Variants in PKNOX2 observed in about 807,000 individuals in gnomAD.
The protein encoded by PKNOX2 is homeobox protein PKNOX2.
In PKNOX2, 14 loss-of-function variants were observed where a neutral mutation model predicts 53.1. The ratio of observed to expected loss-of-function variants is 0.26; its 90% CI spans 0.17 to 0.41. PKNOX2 has a LOEUF of 0.41. PKNOX2 is among the 10% of genes least tolerant of loss of function. The probability of loss-of-function intolerance (pLI) is 1.00; values close to 1 mark genes in which losing one functional copy is unlikely to be tolerated. For synonymous variants in PKNOX2, 257 were observed against 242.8 expected (o/e 1.06, Z -0.54); for missense variants, 496 against 602.8 (o/e 0.82, Z 1.85).
At chr11:125,409,772 T>C (rs1955382979) in intron 7 of PKNOX2, among the ~76,000 whole-genome samples, 1 of 151,984 alleles carries the variant, frequency 6.6e-6, no homozygotes, top group Admixed American at 6.6e-5. Context: ...CTGGGGAGCT[T>C]TTAATAACCC....
At chr11:125,257,008 T>A (rs1944454077) in intron 2 of PKNOX2, among the ~76,000 whole-genome samples, 3 of 85,172 alleles carry the variant, frequency 3.5e-5, no homozygotes. Context: ...CTGTGTAGGG[T>A]TTTTTTTTTT....
intron 2 of PKNOX2, among the ~76,000 whole-genome samples, chr11:125,282,444 G>A (rs1417769129): frequency 1.3e-5 from 2 of 152,300 alleles, no homozygotes; most frequent in South Asian, 4.1e-4. Flanking sequence ...GTGGGTGGCA[G>A]GCATCTGAGT....
chr11:125,356,267 T>G (rs542731268), intron 4 of PKNOX2, among the ~76,000 whole-genome samples: 36 of 152,292 alleles, frequency 2.4e-4, no homozygotes, highest in Non-Finnish European at 4.3e-4. Context: ...CCTGTCAATG[T>G]GGAACTAAAC....
intron 6 of PKNOX2, among the ~76,000 whole-genome samples, chr11:125,386,083 G>C (rs755490231): frequency 2.4e-4 from 37 of 152,160 alleles, no homozygotes; most frequent in Non-Finnish European, 4.4e-4. Context: ...AATCTGTCTT[G>C]GGCTGTCCAG....
intron 2 of PKNOX2, among the ~76,000 whole-genome samples, chr11:125,275,481 G>A (rs191261002): frequency 8.3e-4 from 126 of 152,300 alleles, no homozygotes; most frequent in African/African-American, 2.9e-3. Flanking sequence ...AACGGGGAGA[G>A]TGAGGAGAGC....
chr11:125,401,766 A>AGAGAGT (rs1555170945), intron 7 of PKNOX2, among the ~76,000 whole-genome samples: 1 of 149,194 alleles, frequency 6.7e-6, no homozygotes, highest in Non-Finnish European at 1.5e-5. Flanking sequence ...GGAGCTTGTG[A>AGAGAGT]GTGTGTGTGT....
intron 2 of PKNOX2, among the ~76,000 whole-genome samples, chr11:125,324,833 C>T (rs1276628150): frequency 6.6e-6 from 1 of 152,136 alleles, no homozygotes; most frequent in Admixed American, 6.5e-5. Context: ...CTGCTTGGAA[C>T]CCAGAGTCAT....
chr11:125,355,814 C>G (rs1991271), intron 4 of PKNOX2, among the ~76,000 whole-genome samples: 1 of 152,120 alleles, frequency 6.6e-6, no homozygotes, highest in African/African-American at 2.4e-5. Flanking sequence ...ACAACCACCC[C>G]GTCACTCCTT....
chr11:125,249,487 CT>C (rs1293358349), intron 2 of PKNOX2, among the ~76,000 whole-genome samples: 1 of 152,106 alleles, frequency 6.6e-6, no homozygotes, highest in African/African-American at 2.4e-5. Context: ...CATGTGCAGA[CT>C]TTTTTCTTGT....
intron 2 of PKNOX2, among the ~76,000 whole-genome samples, chr11:125,257,746 T>C (rs913157207): frequency 6.6e-6 from 1 of 152,182 alleles, no homozygotes; most frequent in Non-Finnish European, 1.5e-5. Flanking sequence ...TCATCGTCAT[T>C]GTCACTCTAC....
At chr11:125,373,045 G>A (rs1047044219) in intron 5 of PKNOX2, among the ~76,000 whole-genome samples, 1 of 152,234 alleles carries the variant, frequency 6.6e-6, no homozygotes, top group Non-Finnish European at 1.5e-5. Context: ...CTATCCTAAA[G>A]GTCACGGAAG....
chr11:125,315,303 GAAAAAAA>G (rs534448203), intron 2 of PKNOX2, among the ~76,000 whole-genome samples: 1,078 of 79,436 alleles, frequency 0.014, 26 homozygotes, highest in African/African-American at 0.039. Context: ...TGTGAAGCAG[GAAAAAAA>G]AAAAAAAAAA....
At chr11:125,229,857 C>T (rs1440169688) in intron 1 of PKNOX2, among the ~76,000 whole-genome samples, 2 of 152,212 alleles carry the variant, frequency 1.3e-5, no homozygotes, top group Non-Finnish European at 2.9e-5. Flanking sequence ...TGTGAGCCCA[C>T]ACCACCCAGT....
intron 2 of PKNOX2, among the ~76,000 whole-genome samples, chr11:125,291,945 A>G (rs1348463220): frequency 6.6e-6 from 1 of 152,188 alleles, no homozygotes; most frequent in Non-Finnish European, 1.5e-5. Flanking sequence ...TAAAGGGTGC[A>G]GAGTTTCTGT....
At chr11:125,236,337 G>C (rs1942691890) in intron 2 of PKNOX2, among the ~76,000 whole-genome samples, 1 of 144,892 alleles carries the variant, frequency 6.9e-6, no homozygotes, top group Non-Finnish European at 1.5e-5. Context: ...GTTGGGGGAA[G>C]GGTACCTCCC....
intron 10 of PKNOX2, among the ~76,000 whole-genome samples, chr11:125,424,619 G>A (rs978541390): frequency 5.3e-5 from 8 of 152,266 alleles, no homozygotes; most frequent in African/African-American, 1.7e-4. Context: ...ATGGAAGCTC[G>A]CTGATCTGAA....
chr11:125,220,181 A>G (rs1384086003), intron 1 of PKNOX2, among the ~76,000 whole-genome samples: 2 of 152,246 alleles, frequency 1.3e-5, no homozygotes, highest in African/African-American at 4.8e-5. Context: ...GGGGAAAACA[A>G]GAATCTATAT....
intron 5 of PKNOX2, among the ~76,000 whole-genome samples, chr11:125,375,879 G>A (rs569079160): frequency 2.0e-5 from 3 of 152,296 alleles, no homozygotes; most frequent in Non-Finnish European, 4.4e-5. Context: ...TCGGGGTGCA[G>A]GAGCAGGTTT....
chr11:125,170,432 G>A (rs1955200827), intron 1 of PKNOX2, among the ~76,000 whole-genome samples: 1 of 152,168 alleles, frequency 6.6e-6, no homozygotes, highest in African/African-American at 2.4e-5. Context: ...GGGGTTGAGA[G>A]AGCAACAGTT....
Sources: gnomAD v4.1 joint callset for allele counts (sites outside exome capture counted in the v4.1 genomes callset) on GRCh38, gnomAD v4.1.1 for gene constraint, MANE v1.5 for transcripts, NCBI Gene and HGNC (gene_info 2026-07-23, HGNC 2026-07-21) for gene names.